PIP4K2A: variants seen among roughly 807,000 people sequenced by gnomAD.
PIP4K2A encodes phosphatidylinositol 5-phosphate 4-kinase type-2 alpha.
PIP4K2A carries 14 observed loss-of-function variants against 42.9 expected under a neutral mutation model. That is an observed-to-expected ratio of 0.33 (90% CI 0.22 to 0.51). The LOEUF is 0.51. Among genes scored for constraint, PIP4K2A ranks in the 20% least tolerant of loss-of-function variants. PIP4K2A has a pLI of 0.97. For synonymous variants in PIP4K2A, 192 were observed against 192.2 expected (o/e 1.00, Z 0.01); for missense variants, 434 against 519.8 (o/e 0.83, Z 1.61).
chr10:22,677,365 G>T (rs995702209), intron 1 of PIP4K2A, among the ~76,000 whole-genome samples: 7 of 152,304 alleles, frequency 4.6e-5, no homozygotes, highest in African/African-American at 1.7e-4. Context: ...AAAGAAAGGA[G>T]GGGCTTACAC....
intron 4 of PIP4K2A, among the ~76,000 whole-genome samples, chr10:22,581,838 G>C (rs1476615342): frequency 6.6e-6 from 1 of 152,034 alleles, no homozygotes; most frequent in Non-Finnish European, 1.5e-5. Context: ...TTACAGCTGG[G>C]CATGGTGGCT....
chr10:22,544,375 G>A (rs994794040), intron 7 of PIP4K2A, among the ~76,000 whole-genome samples: 2 of 152,164 alleles, frequency 1.3e-5, no homozygotes, highest in Non-Finnish European at 2.9e-5. Context: ...TTGTTCCAAG[G>A]CCTCTGGGCT....
intron 1 of PIP4K2A, among the ~76,000 whole-genome samples, chr10:22,636,308 G>T (rs190810603): frequency 1.6e-4 from 25 of 152,286 alleles, no homozygotes; most frequent in African/African-American, 5.8e-4. Context: ...CTGGAGTGCA[G>T]TGGTATGACC....
At position 22,591,709 on chromosome 10, in the gene PIP4K2A, AG is replaced by A. The variant is rs1242164409; in HGVS notation, c.411del (p.Tyr138ThrfsTer22). 6.2e-7 allele frequency: 1 copy of A among 1,613,768 alleles called. No homozygotes were observed. Among genetic ancestry groups the A allele is most frequent in the Non-Finnish European group, 8.5e-7 (1 of 1,179,776 alleles). On this transcript the variant is annotated frameshift_variant, in exon 4 of 10. Coordinates refer to ENST00000376573, the MANE Select transcript of PIP4K2A (RefSeq NM_005028.5). LOFTEE classifies it high-confidence loss of function. ...QARSGARFHT[S>X]YDKRYIIKTI... ...GTCTTGATGATGTATCTTTTGTCGT[AG>A]GAAGTGTGAAAACGAGCTCCACTGC...
At chr10:22,695,017 T>A (rs1436543323) in intron 1 of PIP4K2A, among the ~76,000 whole-genome samples, 1 of 152,210 alleles carries the variant, frequency 6.6e-6, no homozygotes, top group Admixed American at 6.5e-5. Context: ...TGTATCTTTG[T>A]AGGTAACTTT....
rs10603287 is a variant in PIP4K2A, at chr10:22,667,865, C to CTGTGTG, written c.144+46312_144+46317dup. ...AAATCCTGAAGTTTTCAGTGAACTT[C>CTGTGTG]TGTGTGTGTGTGTGTGTGTGTGTGT... is the stretch of plus-strand genomic sequence containing the variant. On this transcript the variant is annotated intron_variant, in intron 1 of 9. Coordinates refer to ENST00000376573, the MANE Select transcript of PIP4K2A (RefSeq NM_005028.5). Among the ~76,000 whole-genome samples the CTGTGTG allele has an allele frequency of 4.1e-3, 541 of 132,614 alleles. 1 individual carries two copies. Among genetic ancestry groups the CTGTGTG allele is most frequent in the Non-Finnish European group, 5.3e-3 (327 of 62,192 alleles). 87.0% of individuals were successfully genotyped at this position (132,614 alleles called of 152,430 possible).
At chr10:22,665,552 C>A (rs949176309) in intron 1 of PIP4K2A, among the ~76,000 whole-genome samples, 8 of 151,556 alleles carry the variant, frequency 5.3e-5, no homozygotes, top group Non-Finnish European at 1.2e-4. Context: ...AGAGATCCTC[C>A]TGCCTCAGCC....
intron 6 of PIP4K2A, among the ~76,000 whole-genome samples, chr10:22,553,331 T>C (rs1214188897): frequency 6.6e-6 from 1 of 152,170 alleles, no homozygotes; most frequent in African/African-American, 2.4e-5. Flanking sequence ...TTTGGGGTCA[T>C]GAATCCTGAG....
At chr10:22,551,771 A>C (rs1432140325) in intron 6 of PIP4K2A, among the ~76,000 whole-genome samples, 2 of 152,148 alleles carry the variant, frequency 1.3e-5, no homozygotes, top group African/African-American at 4.8e-5. Context: ...ACCAAATGTA[A>C]ACAAAATAAT....
intron 1 of PIP4K2A, among the ~76,000 whole-genome samples, chr10:22,664,174 TATATA>T (rs1839294895): frequency 2.6e-5 from 2 of 78,288 alleles, no homozygotes; most frequent in Admixed American, 1.6e-4. Flanking sequence ...TATACATATA[TATATA>T]TACATATATA....
chr10:22,537,768 A>C (rs1486277370), intron 9 of PIP4K2A, among the ~76,000 whole-genome samples: 2 of 152,200 alleles, frequency 1.3e-5, no homozygotes, highest in African/African-American at 2.4e-5. Context: ...AGAGGCCCCC[A>C]GCTCAGTGCT....
intron 6 of PIP4K2A, among the ~76,000 whole-genome samples, chr10:22,553,341 G>A (rs1439567720): frequency 6.6e-6 from 1 of 152,182 alleles, no homozygotes; most frequent in Non-Finnish European, 1.5e-5. Flanking sequence ...TGAATCCTGA[G>A]GTTGCAATCC....
At chr10:22,609,509 T>A (rs1837983989) in intron 2 of PIP4K2A, 111 bp downstream of exon 2, 1 of 691,972 alleles carries the variant, frequency 1.4e-6, no homozygotes, top group Non-Finnish European at 2.6e-6. Flanking sequence ...ATTAACTTCA[T>A]CAGCAAAACT....
chr10:22,618,406 T>C (rs763076791), intron 1 of PIP4K2A, among the ~76,000 whole-genome samples: 8 of 152,172 alleles, frequency 5.3e-5, no homozygotes, highest in African/African-American at 9.7e-5. Flanking sequence ...ATTAGGACTA[T>C]TAAGAGATAA....
intron 7 of PIP4K2A, among the ~76,000 whole-genome samples, chr10:22,544,082 A>G (rs1836198302): frequency 6.6e-6 from 1 of 152,050 alleles, no homozygotes; most frequent in South Asian, 2.1e-4. Flanking sequence ...TTTTCTTCGC[A>G]ACCCTAGGAG....
chr10:22,563,296 G>A (rs1378750128), intron 6 of PIP4K2A, among the ~76,000 whole-genome samples: 2 of 152,198 alleles, frequency 1.3e-5, no homozygotes, highest in Non-Finnish European at 2.9e-5. Context: ...CAGGGCAACT[G>A]TGCAGACAAT....
intron 3 of PIP4K2A, among the ~76,000 whole-genome samples, chr10:22,597,979 G>C (rs771353556): frequency 1.3e-5 from 2 of 152,210 alleles, no homozygotes; most frequent in Non-Finnish European, 2.9e-5. Context: ...GCTTTGGAGA[G>C]ATCTACTCTC....
At chr10:22,668,153 T>C (rs1839385832) in intron 1 of PIP4K2A, among the ~76,000 whole-genome samples, 1 of 152,200 alleles carries the variant, frequency 6.6e-6, no homozygotes, top group South Asian at 2.1e-4. Context: ...CGTTTTACTA[T>C]GTTGGCCAGG....
chr10:22,670,856 C>G (rs1207000340), intron 1 of PIP4K2A, among the ~76,000 whole-genome samples: 2 of 152,024 alleles, frequency 1.3e-5, no homozygotes, highest in Non-Finnish European at 2.9e-5. Flanking sequence ...TAAAAAACGG[C>G]AAATGTAAGT....
Sources: gnomAD v4.1 joint callset for allele counts (sites outside exome capture counted in the v4.1 genomes callset) on GRCh38, gnomAD v4.1.1 for gene constraint, MANE v1.5 for transcripts, NCBI Gene and HGNC (gene_info 2026-07-23, HGNC 2026-07-21) for gene names.